The following PARD3 variants were observed in gnomAD, a reference collection of about 807,000 sequenced individuals.
PARD3 encodes par-3 family cell polarity regulator.
A neutral mutation model predicts 155.4 loss-of-function variants in PARD3; 75 were observed. The observed-to-expected ratio is 0.48, with a 90% CI of 0.40 to 0.58. The LOEUF (loss-of-function observed/expected upper bound fraction) is 0.58. Ranked by LOEUF, PARD3 falls within the 20% of genes least tolerant of loss-of-function variation. The pLI is 0.00. For synonymous variants in PARD3, 576 were observed against 610.5 expected, an observed-to-expected ratio of 0.94 and a Z score of 0.83; for missense variants, 1,642 against 1,721.7, an observed-to-expected ratio of 0.95 and a Z score of 0.82.
intron 2 of PARD3, among the ~76,000 whole-genome samples, chr10:34,652,509 C>G (rs893942403): frequency 2.6e-5 from 4 of 152,142 alleles, no homozygotes; most frequent in African/African-American, 9.7e-5. Flanking sequence ...GATGGTGAAG[C>G]CAGCAGGGTA....
chr10:34,319,346 A>C (rs941943593), intron 19 of PARD3, among the ~76,000 whole-genome samples: 2 of 152,126 alleles, frequency 1.3e-5, no homozygotes, highest in Admixed American at 1.3e-4. Context: ...CTCTCCTCCC[A>C]AAGTGCTGGG....
chr10:34,661,954 G>A (rs970233474), intron 2 of PARD3, among the ~76,000 whole-genome samples: 11 of 152,198 alleles, frequency 7.2e-5, no homozygotes, highest in African/African-American at 2.4e-4. Context: ...CCACTGGAAA[G>A]AAGGTCCTGC....
At chr10:34,636,543 C>T (rs972480574) in intron 2 of PARD3, among the ~76,000 whole-genome samples, 1 of 152,176 alleles carries the variant, frequency 6.6e-6, no homozygotes, top group Non-Finnish European at 1.5e-5. Context: ...GGGGTGGAGG[C>T]ATGGAAAACG....
At chr10:34,803,879 A>G (rs1246735260) in intron 1 of PARD3, among the ~76,000 whole-genome samples, 2 of 152,216 alleles carry the variant, frequency 1.3e-5, no homozygotes, top group Non-Finnish European at 2.9e-5. Flanking sequence ...TTCCTTGGAA[A>G]AAATATTCCT....
intron 22 of PARD3, among the ~76,000 whole-genome samples, chr10:34,196,568 C>CTTTTTTTTTT (rs71523319): frequency 3.1e-5 from 3 of 97,420 alleles, no homozygotes; most frequent in African/African-American, 8.7e-5. Flanking sequence ...GTACCCTTTT[C>CTTTTTTTTTT]TTTTTTTTTT....
chr10:34,515,648 TTA>T (rs1473108903), intron 3 of PARD3, among the ~76,000 whole-genome samples: 1 of 152,198 alleles, frequency 6.6e-6, no homozygotes, highest in Non-Finnish European at 1.5e-5. Context: ...CTTGTTCTCT[TTA>T]TATACACCTT....
At chr10:34,292,809 T>C (rs144800566) in intron 20 of PARD3, among the ~76,000 whole-genome samples, 2 of 152,138 alleles carry the variant, frequency 1.3e-5, no homozygotes, top group East Asian at 3.9e-4. Flanking sequence ...GAATAACATA[T>C]CCCTTTCAGG....
intron 22 of PARD3, among the ~76,000 whole-genome samples, chr10:34,175,215 G>A (rs1949981335): frequency 6.6e-6 from 1 of 152,162 alleles, no homozygotes; most frequent in Admixed American, 6.5e-5. Flanking sequence ...ACTTCATGGA[G>A]AGCTAAGCAT....
intron 22 of PARD3, among the ~76,000 whole-genome samples, chr10:34,224,814 C>G (rs1952504481): frequency 6.6e-6 from 1 of 152,184 alleles, no homozygotes; most frequent in South Asian, 2.1e-4. Context: ...GCCTGGAGCA[C>G]TTATCCATCA....
intron 7 of PARD3, among the ~76,000 whole-genome samples, chr10:34,392,637 A>T (rs1180838105): frequency 6.6e-6 from 1 of 152,042 alleles, no homozygotes; most frequent in Non-Finnish European, 1.5e-5. Flanking sequence ...GTTAAGAAGG[A>T]TTGTTCTGTG....
At chr10:34,784,755 G>C (rs566782006) in intron 1 of PARD3, among the ~76,000 whole-genome samples, 1 of 152,206 alleles carries the variant, frequency 6.6e-6, no homozygotes, top group Admixed American at 6.5e-5. Flanking sequence ...CTTTTTTAAG[G>C]ATTTTCTTCC....
intron 23 of PARD3, among the ~76,000 whole-genome samples, chr10:34,123,730 T>C (rs1947128015): frequency 1.3e-5 from 2 of 152,196 alleles, no homozygotes; most frequent in South Asian, 4.1e-4. Context: ...AATGGTCTCA[T>C]ACGGTGTTTT....
chr10:34,722,348 T>C (rs1431098799), intron 1 of PARD3, among the ~76,000 whole-genome samples: 1 of 152,200 alleles, frequency 6.6e-6, no homozygotes, highest in African/African-American at 2.4e-5. Flanking sequence ...TCTTGCTATC[T>C]CCAGTGGTTA....
At chr10:34,720,326 T>G (rs2094584191) in intron 1 of PARD3, among the ~76,000 whole-genome samples, 1 of 151,658 alleles carries the variant, frequency 6.6e-6, no homozygotes, top group African/African-American at 2.4e-5. Context: ...TCTCAGCTAC[T>G]TGGGAGGACA....
At chr10:34,303,512 T>C (rs1957257794) in intron 20 of PARD3, among the ~76,000 whole-genome samples, 1 of 150,788 alleles carries the variant, frequency 6.6e-6, no homozygotes, top group Admixed American at 6.6e-5. Context: ...TAAAAGGAGA[T>C]AAAATTTTTA....
rs1186781624 is a variant in PARD3 at position 34,378,068 on chromosome 10, C to A, written c.1438G>T (p.Val480Leu). 1.3e-6 allele frequency: 2 copies of A among 1,596,654 alleles called. No individual in the cohort carries two copies. The highest frequency in any genetic ancestry group is 1.7e-6 in the Non-Finnish European group (2 of 1,173,064). ...ATTGGAGCTGAGCCACCTATTGTTACATCTCTGGAAGTGATGCTGAATCCC... is the reference window on the plus strand; with the variant it reads ...ATTGGAGCTGAGCCACCTATTGTTAAATCTCTGGAAGTGATGCTGAATCCC... ...GLGFSITSRD[V>L]TIGGSAPIYV... Residue 480 changes from valine (V) to leucine (L), a missense_variant, in exon 10 of 25, where the codon GTA (valine) becomes TTA (leucine). This residue lies in a region of PARD3 where 1,529 missense variants were observed against 1,587.3 expected (regional missense o/e 0.96). Transcript: ENST00000374788.
intron 7 of PARD3, among the ~76,000 whole-genome samples, chr10:34,385,599 C>A (rs1842274569): frequency 1.3e-5 from 2 of 152,238 alleles, no homozygotes; most frequent in South Asian, 4.2e-4. Context: ...ATTGAAGACA[C>A]CCTAATTTTC....
chr10:34,315,589 C>T (rs1957959605), intron 20 of PARD3, among the ~76,000 whole-genome samples: 1 of 152,178 alleles, frequency 6.6e-6, no homozygotes, highest in Admixed American at 6.6e-5. Flanking sequence ...CAGATTCCTT[C>T]CATGTTAACT....
At chr10:34,458,437 G>C (rs2077448075) in intron 4 of PARD3, among the ~76,000 whole-genome samples, 2 of 152,066 alleles carry the variant, frequency 1.3e-5, no homozygotes, top group African/African-American at 4.8e-5. Flanking sequence ...TCCTGGCCTC[G>C]AGAAATCCTC....
Sources: gnomAD v4.1 joint callset for allele counts (sites outside exome capture counted in the v4.1 genomes callset) on GRCh38, gnomAD v4.1.1 for gene constraint, gnomAD v4.1.1 regional missense constraint, MANE v1.5 for transcripts, NCBI Gene and HGNC (gene_info 2026-07-23, HGNC 2026-07-21) for gene names.